ZNF107: variants seen among roughly 807,000 people sequenced by gnomAD.
ZNF107 encodes zinc finger protein 107.
ZNF107 carries 19 observed loss-of-function variants against 12.3 expected under a neutral mutation model. The observed-to-expected ratio is 1.55, with a 90% CI of 1.08 to 2.27. The LOEUF is 2.27. Among genes scored for constraint, ZNF107 ranks in the 30% most tolerant of loss-of-function variants. ZNF107 has a pLI of 0.00. For synonymous variants in ZNF107, 317 were observed against 330.5 expected, an observed-to-expected ratio of 0.96 and a Z score of 0.44; for missense variants, 958 against 979.9, an observed-to-expected ratio of 0.98 and a Z score of 0.30.
intron 1 of ZNF107, among the ~76,000 whole-genome samples, chr7:64,671,931 G>A (rs1351437383): frequency 6.6e-5 from 10 of 151,654 alleles, no homozygotes; most frequent in Admixed American, 1.3e-4. Flanking sequence ...ACAGGTGCCC[G>A]CCACCAAGCC....
intron 3 of ZNF107, among the ~76,000 whole-genome samples, chr7:64,698,517 G>A (rs959983331): frequency 6.6e-6 from 1 of 151,904 alleles, no homozygotes; most frequent in South Asian, 2.1e-4. Context: ...CTGCCTCCCA[G>A]GTTCAAGCAT....
In ZNF107 at chr7:64,691,246, A is replaced by G. The variant is rs1452956120; in HGVS notation, c.4-2A>G. 8.0e-6 allele frequency: 12 copies of G among 1,492,630 alleles called. No homozygotes were observed. The highest frequency in any genetic ancestry group is 2.5e-5 in the East Asian group (1 of 39,962). 92.5% of individuals were successfully genotyped at this position (1,492,630 alleles called of 1,614,324 possible). A position where few individuals can be genotyped will look rare whatever the true frequency, so the allele number is the denominator to read the frequency against. On this transcript the variant is annotated splice_acceptor_variant, in intron 1 of 3. Coordinates refer to ENST00000620827, the MANE Select transcript of ZNF107 (RefSeq NM_001282359.2). LOFTEE classifies it high-confidence loss of function. The stretch of plus-strand genomic sequence containing the variant: ...AAATGTGTGTGTGTTTGTGTTTTTC[A>G]GGAACCACTGACATTTAAAGATGTC...
intron 3 of ZNF107, among the ~76,000 whole-genome samples, chr7:64,699,877 G>A (rs1790411988): frequency 6.6e-6 from 1 of 151,836 alleles, no homozygotes; most frequent in South Asian, 2.1e-4. Flanking sequence ...GATCATCCTG[G>A]CTAACATGGT....
chr7:64,668,833 T>C (rs1789109644), intron 1 of ZNF107, among the ~76,000 whole-genome samples: 1 of 151,956 alleles, frequency 6.6e-6, no homozygotes, highest in Admixed American at 6.6e-5. Flanking sequence ...TCTCTTCCAT[T>C]TTGACTGTAG....
At chr7:64,685,387 C>T (rs1789866134) in intron 1 of ZNF107, among the ~76,000 whole-genome samples, 1 of 151,952 alleles carries the variant, frequency 6.6e-6, no homozygotes. Context: ...CTTCTCAAAG[C>T]CCCCAGAAGT....
intron 1 of ZNF107, among the ~76,000 whole-genome samples, chr7:64,670,130 T>C (rs1789166687): frequency 6.6e-6 from 1 of 152,170 alleles, no homozygotes; most frequent in East Asian, 1.9e-4. Context: ...AAAGATGAAG[T>C]TGTTATCGTT....
chr7:64,702,155 A>AT (rs201702231), intron 3 of ZNF107, among the ~76,000 whole-genome samples: 51,923 of 149,004 alleles, frequency 0.35, 9,366 homozygotes, highest in Non-Finnish European at 0.4. Flanking sequence ...AAACAGTTTT[A>AT]TTTTTTTTTT....
rs1374510034 is a variant in ZNF107, at chr7:64,709,194, C to G, written c.*538C>G. 1 of 416,534 alleles carries G rather than the reference C, an allele frequency of 2.4e-6. No individual in the cohort carries two copies. Among genetic ancestry groups the G allele is most frequent in the African/African-American group, 2.1e-5 (1 of 47,948 alleles). 25.8% of individuals were successfully genotyped at this position (416,534 alleles called of 1,614,324 possible). On this transcript the variant is annotated 3_prime_UTR_variant, in exon 4 of 4. Coordinates refer to ENST00000620827, the MANE Select transcript of ZNF107 (RefSeq NM_001282359.2). ...TTAACTGTAGATAAGAAAATTCATA[C>G]TGGAAAGAAACCCTACAAATGTGAA... is the stretch of plus-strand genomic sequence containing the variant.
intron 1 of ZNF107, among the ~76,000 whole-genome samples, chr7:64,682,578 G>A (rs1789727665): frequency 6.6e-6 from 1 of 152,122 alleles, no homozygotes; most frequent in Admixed American, 6.5e-5. Context: ...TGCAGTTGGG[G>A]TCCTAACACA....
chr7:64,684,466 C>T, intron 1 of ZNF107: 1 of 585,026 alleles, frequency 1.7e-6, no homozygotes, highest in Non-Finnish European at 2.2e-6. Context: ...TGTCTGCTTA[C>T]AAGATCCTCC....
intron 1 of ZNF107, among the ~76,000 whole-genome samples, chr7:64,677,846 T>C (rs1310984005): frequency 2.5e-5 from 2 of 79,474 alleles, no homozygotes; most frequent in Non-Finnish European, 2.4e-5. Context: ...AGCAAGACTC[T>C]GTCTCAAAAA....
At position 64,706,468 on chromosome 7, in the gene ZNF107, C is replaced by T. The variant is rs200865858; in HGVS notation, c.371C>T (p.Thr124Met). The T allele has an allele frequency of 3.7e-6, 6 of 1,613,418 alleles. No homozygotes were observed. Among genetic ancestry groups the T allele is most frequent in the Middle Eastern group, 1.7e-4 (1 of 6,060 alleles). Residue 124 changes from threonine (T) to methionine (M), a missense_variant, in exon 4 of 4, where the codon ACG becomes ATG. Thr to Met is a moderately conservative substitution (Grantham distance 81). Transcript: ENST00000620827. Reference sequence around the variant, plus strand: ...GGCTGTAAACATGTGGATGAGTGTACGGGGCACAAAGGAGGTCATAATACA... The same window carrying T: ...GGCTGTAAACATGTGGATGAGTGTATGGGGCACAAAGGAGGTCATAATACA... ...RKGCKHVDEC[T>M]GHKGGHNTVN...
In ZNF107 at chr7:64,708,332, C is replaced by T. The variant is rs1248065047; in HGVS notation, c.2235C>T (p.Ser745=). The change falls in exon 4 of 4, where the codon TCC becomes TCT. Residue 745 remains serine (S), a synonymous_variant. Transcript: ENST00000620827. ...CKECGKAFNL[S]STLTAHKKIH... ...AATGTGGCAAAGCTTTTAACCTATC[C>T]TCAACCCTTACTGCACATAAGAAAA... is the stretch of plus-strand genomic sequence containing the variant. 1.2e-6 allele frequency: 2 copies of T among 1,613,076 alleles called. No homozygotes were observed. The highest frequency in any genetic ancestry group is 1.7e-6 in the Non-Finnish European group (2 of 1,179,716).
chr7:64,708,481 G>A lies in ZNF107; in HGVS notation c.2384G>A (p.Gly795Asp). Residue 795 changes from glycine (G) to aspartate (D), a missense_variant, in exon 4 of 4, where the codon GGC (glycine) becomes GAC (aspartate). Physicochemically the swap from Gly to Asp is moderately conservative, Grantham distance 94. Transcript: ENST00000620827. ...SEKPYKCEEC[G>D]KSFNQFSSLN... ...AAACCCTACAAATGTGAAGAATGTG[G>A]CAAATCCTTTAACCAGTTCTCATCT... 1.2e-6 allele frequency: 2 copies of A among 1,612,504 alleles called. No homozygotes were observed. Among genetic ancestry groups the A allele is most frequent in the Non-Finnish European group, 1.7e-6 (2 of 1,179,544 alleles).
Position 64,707,668 on chromosome 7 carries a change from T to G in ZNF107, c.1571T>G (p.Leu524Arg), listed in dbSNP as rs1484338530. The G allele has an allele frequency of 6.2e-7, 1 of 1,612,652 alleles. No individual in the cohort carries two copies. Among genetic ancestry groups the G allele is most frequent in the Non-Finnish European group, 8.5e-7 (1 of 1,179,600 alleles). ...CDRAFSQSSNLTEHKKIHTGE... is the reference protein window; with the variant it reads ...CDRAFSQSSNRTEHKKIHTGE... ...AGAGCTTTTAGCCAGTCTTCAAACC[T>G]TACTGAACATAAGAAAATTCATACT... Residue 524 changes from leucine (L) to arginine (R), a missense_variant, in exon 4 of 4, where the codon CTT becomes CGT. Coordinates refer to ENST00000620827, the MANE Select transcript of ZNF107 (RefSeq NM_001282359.2).
chr7:64,700,076 A>AAAAAAG (rs1790423074), intron 3 of ZNF107, among the ~76,000 whole-genome samples: 1 of 151,434 alleles, frequency 6.6e-6, no homozygotes. Flanking sequence ...AAAAAAAAAA[A>AAAAAAG]GAATATTGTA....
chr7:64,686,978 C>A, intron 1 of ZNF107: 4 of 985,432 alleles, frequency 4.1e-6, no homozygotes, highest in Non-Finnish European at 4.8e-6. Context: ...TCATAATGCT[C>A]ATGTTTTTCA....
In ZNF107 at chr7:64,708,293, T is replaced by A; in HGVS notation, c.2196T>A (p.Pro732=). 1 of 1,610,122 alleles carries A rather than the reference T, an allele frequency of 6.2e-7. No individual in the cohort carries two copies. Among genetic ancestry groups the A allele is most frequent in the East Asian group, 2.2e-5 (1 of 44,564 alleles). Residue 732 remains proline (P), a synonymous_variant, in exon 4 of 4, where the codon CCT becomes CCA. Transcript: ENST00000620827. ...RHKIIHTGEK[P]YKCKECGKAF... ...AGATAATTCATACTGGAGAGAAACC[T>A]TACAAATGTAAAGAATGTGGCAAAG...
intron 3 of ZNF107, among the ~76,000 whole-genome samples, chr7:64,705,113 C>T (rs1332656423): frequency 1.3e-5 from 2 of 152,160 alleles, no homozygotes; most frequent in African/African-American, 2.4e-5. Context: ...ATTTTCTTGA[C>T]GTATTCACTG....
Sources: allele counts gnomAD v4.1 joint callset (sites outside exome capture counted in the v4.1 genomes callset), GRCh38; gene constraint gnomAD v4.1.1; transcripts MANE v1.5; gene names NCBI Gene and HGNC (gene_info 2026-07-23, HGNC 2026-07-21).